SLC24A3: variants seen among roughly 807,000 people sequenced by gnomAD.
SLC24A3 encodes the protein sodium/potassium/calcium exchanger 3.
Under a neutral mutation model 75.8 loss-of-function variants are expected in SLC24A3, and 28 were observed. That is an observed-to-expected ratio of 0.37 (90% CI 0.27 to 0.51). SLC24A3 has a LOEUF of 0.51. Ranked by LOEUF, SLC24A3 falls within the 20% of genes least tolerant of loss-of-function variation. SLC24A3 has a pLI of 0.94. For missense variants in SLC24A3, 663 were observed against 847.8 expected (o/e 0.78, Z 2.71); for synonymous variants, 372 against 334.1 (o/e 1.11, Z -1.24).
At chr20:19,537,731 A>G (rs1228509259) in intron 3 of SLC24A3, among the ~76,000 whole-genome samples, 1 of 152,152 alleles carries the variant, frequency 6.6e-6, no homozygotes, top group African/African-American at 2.4e-5. Context: ...CTTTGTAGGG[A>G]CATGGATGAA....
At chr20:19,689,118 TC>T (rs1336599663) in intron 12 of SLC24A3, among the ~76,000 whole-genome samples, 1 of 152,198 alleles carries the variant, frequency 6.6e-6, no homozygotes, top group Non-Finnish European at 1.5e-5. Flanking sequence ...TAAACACATT[TC>T]CATGGGAAAG....
At chr20:19,671,410 A>T (rs1401911695) in intron 8 of SLC24A3, among the ~76,000 whole-genome samples, 1 of 152,206 alleles carries the variant, frequency 6.6e-6, no homozygotes, top group Non-Finnish European at 1.5e-5. Flanking sequence ...GTGCATTGAC[A>T]TGCTCCCATA....
intron 2 of SLC24A3, among the ~76,000 whole-genome samples, chr20:19,417,351 GATA>G (rs1022449771): frequency 6.6e-6 from 1 of 152,184 alleles, no homozygotes; most frequent in Admixed American, 6.5e-5. Context: ...CCACGGAAAT[GATA>G]ATAACATAAA....
intron 2 of SLC24A3, among the ~76,000 whole-genome samples, chr20:19,470,711 G>A (rs1463190112): frequency 6.6e-6 from 1 of 152,134 alleles, no homozygotes; most frequent in Non-Finnish European, 1.5e-5. Context: ...TCATTTCTGT[G>A]TTTCTGTGCA....
At chr20:19,495,527 G>A (rs1158452214) in intron 2 of SLC24A3, among the ~76,000 whole-genome samples, 1 of 152,210 alleles carries the variant, frequency 6.6e-6, no homozygotes, top group Non-Finnish European at 1.5e-5. Context: ...ATTCATCCAG[G>A]CTTGTTAAAA....
chr20:19,580,577 G>A (rs776591433), intron 4 of SLC24A3, among the ~76,000 whole-genome samples: 8 of 151,978 alleles, frequency 5.3e-5, no homozygotes, highest in African/African-American at 1.2e-4. Flanking sequence ...AATTGGCCAC[G>A]GAGATCAGGA....
intron 6 of SLC24A3, among the ~76,000 whole-genome samples, chr20:19,611,007 A>G (rs1369871244): frequency 6.6e-6 from 1 of 151,836 alleles, no homozygotes; most frequent in Non-Finnish European, 1.5e-5. Flanking sequence ...ACAGAAACAC[A>G]CTGCAGAGGG....
At chr20:19,432,593 G>A (rs1987124633) in intron 2 of SLC24A3, among the ~76,000 whole-genome samples, 1 of 152,296 alleles carries the variant, frequency 6.6e-6, no homozygotes, top group East Asian at 1.9e-4. Flanking sequence ...ACAAAAGTCA[G>A]CAGCTAAAGA....
chr20:19,669,754 C>T (rs1267060287), intron 8 of SLC24A3, among the ~76,000 whole-genome samples: 2 of 152,118 alleles, frequency 1.3e-5, no homozygotes, highest in African/African-American at 4.8e-5. Context: ...GGCTGGAAAA[C>T]AGCTTTTGCT....
Position 19,594,678 on chromosome 20 carries a change from A to G in SLC24A3, c.612+9134A>G, listed in dbSNP as rs967612237. Among the ~76,000 whole-genome samples the G allele has an allele frequency of 5.3e-5, 8 of 152,294 alleles. No homozygotes were observed. In the East Asian group the frequency reaches 1.4e-3, roughly 26 times the overall value. On this transcript the variant is annotated intron_variant, in intron 6 of 16. Transcript: ENST00000328041. ...CAACAGAGGTGATAGATTGGTAGGT[A>G]GGTGAGTGGGTGGGTGGCTGAGTGG...
chr20:19,442,775 A>G (rs922466338), intron 2 of SLC24A3, among the ~76,000 whole-genome samples: 2 of 152,134 alleles, frequency 1.3e-5, no homozygotes, highest in African/African-American at 4.8e-5. Context: ...ACCAAACCCA[A>G]GGTCACCTAT....
In SLC24A3 at chr20:19,685,011, C is replaced by A. The variant is rs932870584; in HGVS notation, c.1063-89C>A. 2.0e-6 allele frequency: 3 copies of A among 1,473,178 alleles called. No homozygotes were observed. In the African/African-American group the frequency reaches 4.2e-5, roughly 21 times the overall value. 91.3% of individuals were successfully genotyped at this position (1,473,178 alleles called of 1,614,324 possible). A position where few individuals can be genotyped will look rare whatever the true frequency, so the allele number is the denominator to read the frequency against. ...TCTTCTGGAAGCATATCGTCAGCTGCCAGGGAAAGATCCCAACAGCTCATG... is the reference window on the plus strand; with the variant it reads ...TCTTCTGGAAGCATATCGTCAGCTGACAGGGAAAGATCCCAACAGCTCATG... On this transcript the variant is annotated intron_variant, in intron 11 of 16. Transcript: ENST00000328041.
intron 1 of SLC24A3, among the ~76,000 whole-genome samples, chr20:19,222,278 T>C (rs1002651602): frequency 2.0e-4 from 30 of 152,158 alleles, no homozygotes; most frequent in African/African-American, 7.2e-4. Context: ...CAAGTTGCTG[T>C]TGTTCCTTTG....
intron 1 of SLC24A3, among the ~76,000 whole-genome samples, chr20:19,275,479 C>T (rs886246520): frequency 6.6e-6 from 1 of 152,164 alleles, no homozygotes; most frequent in African/African-American, 2.4e-5. Context: ...AGGCCTGGGG[C>T]TAGTGTTTGG....
At chr20:19,602,372 C>T (rs540385877) in intron 6 of SLC24A3, among the ~76,000 whole-genome samples, 1 of 152,126 alleles carries the variant, frequency 6.6e-6, no homozygotes, top group Non-Finnish European at 1.5e-5. Flanking sequence ...CAATGGGTGG[C>T]TTGGGAGAGC....
At chr20:19,578,942 G>A (rs570556842) in intron 3 of SLC24A3, among the ~76,000 whole-genome samples, 43 of 152,068 alleles carry the variant, frequency 2.8e-4, no homozygotes, top group Non-Finnish European at 4.6e-4. Context: ...GGCAATGAGG[G>A]CTCCCAGCTT....
chr20:19,693,496 G>T (rs1007124903), intron 13 of SLC24A3, 71 bp downstream of exon 13: 1 of 1,558,556 alleles, frequency 6.4e-7, no homozygotes, highest in Non-Finnish European at 8.7e-7. Context: ...AAGAGTCAGG[G>T]TTTCAGCCGA....
rs186252226 is a variant in SLC24A3, at chr20:19,541,726, A to G, written c.348+26162A>G. ...CACCTGAGATTGTAAAAACTTTTGCACTATTTTGAAAAAAGTCAGGGAAAT... is the reference window on the plus strand; with the variant it reads ...CACCTGAGATTGTAAAAACTTTTGCGCTATTTTGAAAAAAGTCAGGGAAAT... On this transcript the variant is annotated intron_variant, in intron 3 of 16. Coordinates refer to ENST00000328041, the MANE Select transcript of SLC24A3 (RefSeq NM_020689.4). 7.2e-5 allele frequency among the ~76,000 whole-genome samples: 11 copies of G among 152,346 alleles called. No homozygotes were observed. In the East Asian group the frequency reaches 9.7e-4, roughly 13 times the overall value.
Position 19,553,779 on chromosome 20 carries a change from A to T in SLC24A3, c.349-26221A>T, listed in dbSNP as rs115422603. 3.8e-3 allele frequency among the ~76,000 whole-genome samples: 572 copies of T among 152,274 alleles called. 4 individuals are homozygous for T. The highest frequency in any genetic ancestry group is 0.02 in the East Asian group (105 of 5,178). ...ATTGGAGTGTACAGGTGTGGCTGAG[A>T]CTGTTTCCAAAATGTACCCCAGGGG... On this transcript the variant is annotated intron_variant, in intron 3 of 16. Transcript: ENST00000328041.
Sources: gnomAD v4.1 joint callset for allele counts (sites outside exome capture counted in the v4.1 genomes callset) on GRCh38, gnomAD v4.1.1 for gene constraint, MANE v1.5 for transcripts, NCBI Gene and HGNC (gene_info 2026-07-23, HGNC 2026-07-21) for gene names.